The following ALK variants were observed in gnomAD, a reference collection of about 807,000 sequenced individuals.
ALK encodes the protein ALK tyrosine kinase receptor.
In ALK, 74 loss-of-function variants were observed where a neutral mutation model predicts 163.1. The observed-to-expected ratio is 0.45, with a 90% CI of 0.38 to 0.55. ALK has a LOEUF of 0.55. Ranked by LOEUF, ALK falls within the 20% of genes least tolerant of loss-of-function variation. The pLI, the probability that ALK is intolerant of heterozygous loss-of-function variation, is 0.00. For synonymous variants in ALK, 960 were observed against 843.2 expected (o/e 1.14, Z -2.40); for missense variants, 2,063 against 2,105.3 (o/e 0.98, Z 0.39).
intron 1 of ALK, among the ~76,000 whole-genome samples, chr2:29,886,318 C>CTACTTGGAT (rs2148421560): frequency 6.6e-6 from 1 of 152,268 alleles, no homozygotes; most frequent in East Asian, 1.9e-4. Flanking sequence ...GTCAAATGTT[C>CTACTTGGAT]TACTTGGATT....
chr2:29,446,794 G>A (rs1479101159), intron 4 of ALK, among the ~76,000 whole-genome samples: 2 of 152,176 alleles, frequency 1.3e-5, no homozygotes, highest in African/African-American at 4.8e-5. Context: ...AAATCTGGTG[G>A]CCAAAGGCTG....
intron 3 of ALK, among the ~76,000 whole-genome samples, chr2:29,580,604 T>C (rs757101864): frequency 3.0e-4 from 46 of 152,160 alleles, no homozygotes; most frequent in Non-Finnish European, 6.2e-4. Flanking sequence ...CAGGCAACAC[T>C]TTAATTTGGG....
intron 2 of ALK, among the ~76,000 whole-genome samples, chr2:29,714,084 T>G (rs1004495503): frequency 6.6e-6 from 1 of 152,142 alleles, no homozygotes; most frequent in Non-Finnish European, 1.5e-5. Context: ...GAACAGATTT[T>G]TATCTGAGTA....
At chr2:29,537,029 C>T (rs1468406434) in intron 3 of ALK, among the ~76,000 whole-genome samples, 1 of 152,162 alleles carries the variant, frequency 6.6e-6, no homozygotes, top group Non-Finnish European at 1.5e-5. Context: ...AAAGAAATGA[C>T]AAACTTGAAA....
chr2:29,513,738 A>G (rs1672585075), intron 4 of ALK, among the ~76,000 whole-genome samples: 1 of 149,390 alleles, frequency 6.7e-6, no homozygotes, highest in Non-Finnish European at 1.5e-5. Flanking sequence ...GAAAATTTTC[A>G]CAACCTACTC....
chr2:29,400,527 T>G (rs1669418120), intron 4 of ALK, among the ~76,000 whole-genome samples: 1 of 152,172 alleles, frequency 6.6e-6, no homozygotes, highest in African/African-American at 2.4e-5. Context: ...GGGAGTCTCA[T>G]TCCCTCTTGT....
chr2:29,819,935 C>T (rs781734831), intron 1 of ALK, among the ~76,000 whole-genome samples: 3 of 152,192 alleles, frequency 2.0e-5, no homozygotes, highest in Non-Finnish European at 4.4e-5. Context: ...AGGCAATTCC[C>T]ATATTCATTT....
rs34846199 is a variant in ALK at position 29,797,000 on chromosome 2, C to CCACACA, written c.668-79309_668-79304dup. On this transcript the variant is annotated intron_variant, in intron 1 of 28. Coordinates refer to ENST00000389048, the MANE Select transcript of ALK (RefSeq NM_004304.5). ...TACATACACATATATGCACGCACAC[C>CCACACA]CACACACACACACACACACACACAC... is the stretch of plus-strand genomic sequence containing the variant. Among the ~76,000 whole-genome samples, 325 of 144,688 alleles carry CCACACA rather than the reference C, an allele frequency of 2.2e-3. 1 individual carries two copies. Among genetic ancestry groups the CCACACA allele is most frequent in the African/African-American group, 5.7e-3 (225 of 39,484 alleles). 94.9% of individuals were successfully genotyped at this position (144,688 alleles called of 152,430 possible).
At chr2:29,399,849 G>A (rs574270062) in intron 4 of ALK, among the ~76,000 whole-genome samples, 3 of 152,262 alleles carry the variant, frequency 2.0e-5, no homozygotes, top group South Asian at 4.1e-4. Context: ...TGTGGTACTG[G>A]GATAATGCAA....
chr2:29,430,891 G>A (rs559925699), intron 4 of ALK, among the ~76,000 whole-genome samples: 5 of 152,260 alleles, frequency 3.3e-5, no homozygotes, highest in Middle Eastern at 3.4e-3. Flanking sequence ...GCAAACAGCC[G>A]AGCAAGAGCA....
intron 1 of ALK, among the ~76,000 whole-genome samples, chr2:29,783,539 T>C (rs1303025852): frequency 1.3e-5 from 2 of 152,130 alleles, no homozygotes; most frequent in Non-Finnish European, 2.9e-5. Flanking sequence ...TGATGTACTA[T>C]CCATGCTGAG....
chr2:29,351,793 C>T (rs1208693869), intron 5 of ALK, among the ~76,000 whole-genome samples: 3 of 146,678 alleles, frequency 2.0e-5, no homozygotes, highest in Non-Finnish European at 4.5e-5. Flanking sequence ...GACCCAGACT[C>T]CTAAGCAGAG....
chr2:29,781,716 C>T (rs2148350918), intron 1 of ALK, among the ~76,000 whole-genome samples: 1 of 152,332 alleles, frequency 6.6e-6, no homozygotes, highest in Admixed American at 6.5e-5. Context: ...GTGCAACACA[C>T]TCATACCTCC....
At chr2:29,651,343 A>G (rs1022453917) in intron 3 of ALK, among the ~76,000 whole-genome samples, 3 of 152,150 alleles carry the variant, frequency 2.0e-5, no homozygotes, top group African/African-American at 7.2e-5. Context: ...ATAAATTATG[A>G]TACCTTAAAC....
intron 8 of ALK, among the ~76,000 whole-genome samples, chr2:29,314,716 C>T (rs1461215710): frequency 6.6e-6 from 1 of 152,100 alleles, no homozygotes; most frequent in African/African-American, 2.4e-5. Context: ...CTTGCAGGCC[C>T]AGAAGGCCTG....
In ALK at chr2:29,225,446, G is replaced by A. The variant is rs2148176248; in HGVS notation, c.3172+15C>T. 1 of 1,604,920 alleles carries A rather than the reference G, an allele frequency of 6.2e-7. No individual in the cohort carries two copies. Among genetic ancestry groups the A allele is most frequent in the Middle Eastern group, 1.7e-4 (1 of 5,926 alleles). ...TCCTGCCCCCTTGGGAGTCCCTGGGGCTCTGTGCACTCACCAATCATGATG... is the reference window on the plus strand; with the variant it reads ...TCCTGCCCCCTTGGGAGTCCCTGGGACTCTGTGCACTCACCAATCATGATG... On this transcript the variant is annotated intron_variant, in intron 19 of 28. Transcript: ENST00000389048.
At chr2:29,370,726 G>T (rs759393566) in intron 5 of ALK, among the ~76,000 whole-genome samples, 1 of 152,170 alleles carries the variant, frequency 6.6e-6, no homozygotes, top group African/African-American at 2.4e-5. Context: ...GAGCAGAAAG[G>T]CATCCTAGTG....
At chr2:29,638,358 C>G (rs556001329) in intron 3 of ALK, among the ~76,000 whole-genome samples, 43 of 152,276 alleles carry the variant, frequency 2.8e-4, no homozygotes, top group Non-Finnish European at 5.1e-4. Context: ...ATACACCTTC[C>G]AAGAGCTCCT....
chr2:29,892,273 T>A (rs1181544747), intron 1 of ALK: 1 of 152,176 alleles, frequency 6.6e-6, no homozygotes, highest in Non-Finnish European at 1.5e-5. Context: ...TCATCTTGAA[T>A]CACAGGATGG....
Sources: allele counts gnomAD v4.1 joint callset (sites outside exome capture counted in the v4.1 genomes callset), GRCh38; gene constraint gnomAD v4.1.1; transcripts MANE v1.5; gene names NCBI Gene and HGNC (gene_info 2026-07-23, HGNC 2026-07-21).